Variants in TXNRD2 observed in about 807,000 individuals in gnomAD.
TXNRD2 encodes thioredoxin reductase 2, mitochondrial.
A neutral mutation model predicts 70.8 loss-of-function variants in TXNRD2; 67 were observed. That is an observed-to-expected ratio of 0.95 (90% CI 0.78 to 1.16). The LOEUF (loss-of-function observed/expected upper bound fraction) is 1.16, where lower values mean the gene tolerates loss of function less well. Ranked by LOEUF, TXNRD2 falls within the 50% of genes most tolerant of loss-of-function variation. TXNRD2 has a pLI of 0.00. For missense variants in TXNRD2, 644 were observed against 719.9 expected, an observed-to-expected ratio of 0.89 and a Z score of 1.21; for synonymous variants, 301 against 295.8, an observed-to-expected ratio of 1.02 and a Z score of -0.18.
chr22:19,940,996 C>T (rs781354575), intron 1 of TXNRD2, among the ~76,000 whole-genome samples: 6 of 152,186 alleles, frequency 3.9e-5, no homozygotes, highest in Non-Finnish European at 8.8e-5. Flanking sequence ...TCCTTACACC[C>T]CTCTACACTC....
intron 11 of TXNRD2, chr22:19,887,555 C>T (rs1376059809): frequency 6.6e-6 from 1 of 152,230 alleles, no homozygotes; most frequent in South Asian, 2.1e-4. Context: ...CCCAGCTGGA[C>T]GTCGGCAGCG....
intron 11 of TXNRD2, chr22:19,894,865 G>T (rs1323461799): frequency 6.4e-6 from 4 of 626,728 alleles, no homozygotes; most frequent in Non-Finnish European, 9.8e-6. Context: ...GTGGGCGCCT[G>T]TAGCCCCAGC....
chr22:19,909,861 A>ACACACACACCACTCACACACACAAC (rs1940299566), intron 8 of TXNRD2, among the ~76,000 whole-genome samples: 1 of 83,252 alleles, frequency 1.2e-5, no homozygotes, highest in Non-Finnish European at 2.3e-5. Flanking sequence ...CACACACACC[A>ACACACACACCACTCACACACACAAC]CACACACACC....
At chr22:19,911,982 AGAG>A (rs1413429290) in intron 7 of TXNRD2, among the ~76,000 whole-genome samples, 1 of 152,050 alleles carries the variant, frequency 6.6e-6, no homozygotes, top group Non-Finnish European at 1.5e-5. Flanking sequence ...CAGCCAGAGG[AGAG>A]GAGGCACAGG....
chr22:19,927,111 T>C (rs1323232361), intron 2 of TXNRD2, among the ~76,000 whole-genome samples: 1 of 151,870 alleles, frequency 6.6e-6, no homozygotes, highest in African/African-American at 2.4e-5. Context: ...CTGGCCAACA[T>C]GGTGAAACCC....
At chr22:19,913,857 C>A (rs561476904) in intron 7 of TXNRD2, among the ~76,000 whole-genome samples, 1 of 152,158 alleles carries the variant, frequency 6.6e-6, no homozygotes, top group Non-Finnish European at 1.5e-5. Context: ...CAGCAAAGAC[C>A]GGGAGAGTTC....
At position 19,941,799 on chromosome 22, in the gene TXNRD2, G is replaced by A; in HGVS notation, c.5C>T (p.Ala2Val). The change falls in exon 1 of 18, where the codon GCG becomes GTG. Residue 2 changes from alanine (A) to valine (V), a missense_variant. Transcript: ENST00000400521. ...TCCCCGCAGCGCCACCGCCATTGCC[G>A]CCATCGTCGTGGGGCTTCTGGGGCA... M[A>V]AMAVALRGLG... 3 of 1,534,672 alleles carry A rather than the reference G, an allele frequency of 2.0e-6. No individual in the cohort carries two copies. Among genetic ancestry groups the A allele is most frequent in the Non-Finnish European group, 1.7e-6 (2 of 1,151,666 alleles).
At chr22:19,923,446 G>C (rs1940992533) in intron 2 of TXNRD2, among the ~76,000 whole-genome samples, 1 of 152,110 alleles carries the variant, frequency 6.6e-6, no homozygotes, top group Non-Finnish European at 1.5e-5. Context: ...CTGGCTCTGG[G>C]CTGTATCAGC....
chr22:19,876,947 C>G, intron 17 of TXNRD2, 93 bp downstream of exon 17: 1 of 882,792 alleles, frequency 1.1e-6, no homozygotes, highest in Non-Finnish European at 1.6e-6. Flanking sequence ...GCAGGTGTAG[C>G]CTTGCTGTAC....
intron 1 of TXNRD2, chr22:19,933,631 G>C (rs1398515298): frequency 1.8e-6 from 1 of 553,848 alleles, no homozygotes. Flanking sequence ...ATAAACACTG[G>C]CATAGGGCAG....
chr22:19,906,900 C>T (rs79995555), intron 8 of TXNRD2, among the ~76,000 whole-genome samples: 3,647 of 118,494 alleles, frequency 0.031, 62 homozygotes, highest in South Asian at 0.082. Flanking sequence ...AGGGTGTGGG[C>T]GCCGTGGATA....
intron 1 of TXNRD2, among the ~76,000 whole-genome samples, 159 bp from the exon 2 acceptor site, chr22:19,931,257 C>T (rs948382874): frequency 2.0e-5 from 3 of 152,180 alleles, no homozygotes; most frequent in African/African-American, 7.2e-5. Flanking sequence ...ATAGTCTGTG[C>T]AAATCCAGAG....
chr22:19,914,975 C>T, intron 7 of TXNRD2: 3 of 528,232 alleles, frequency 5.7e-6, no homozygotes, highest in Non-Finnish European at 7.0e-6. Context: ...TCCAGCGGGG[C>T]AGGGGGAGAG....
chr22:19,895,976 G>A (rs1212265148), intron 10 of TXNRD2, among the ~76,000 whole-genome samples: 1 of 152,158 alleles, frequency 6.6e-6, no homozygotes, highest in African/African-American at 2.4e-5. Flanking sequence ...CAGCCTGGGC[G>A]ACAGAGTGAG....
At chr22:19,906,311 T>C (rs1244217841) in intron 8 of TXNRD2, among the ~76,000 whole-genome samples, 1 of 152,126 alleles carries the variant, frequency 6.6e-6, no homozygotes, top group Non-Finnish European at 1.5e-5. Context: ...AGTCAGATCA[T>C]GTGTAACTCA....
intron 9 of TXNRD2, among the ~76,000 whole-genome samples, chr22:19,898,672 G>A (rs889781061): frequency 3.3e-5 from 5 of 152,034 alleles, no homozygotes; most frequent in African/African-American, 7.2e-5. Context: ...GAGCCACCGC[G>A]CCCGGCCAGG....
chr22:19,900,497 TC>T (rs1261841135), intron 8 of TXNRD2, among the ~76,000 whole-genome samples: 1 of 152,188 alleles, frequency 6.6e-6, no homozygotes, highest in African/African-American at 2.4e-5. Context: ...ACGCCTGTAA[TC>T]CCAGCACTTT....
intron 7 of TXNRD2, 68 bp from the exon 8 acceptor site, chr22:19,911,515 G>A (rs990025609): frequency 6.5e-6 from 8 of 1,229,662 alleles, no homozygotes; most frequent in Non-Finnish European, 9.6e-6. Flanking sequence ...TCCTTAAAGA[G>A]GATGCCAGCT....
At chr22:19,915,440 C>G (rs191888031) in intron 6 of TXNRD2, among the ~76,000 whole-genome samples, 164 bp from the exon 7 acceptor site, 2 of 152,344 alleles carry the variant, frequency 1.3e-5, no homozygotes, top group South Asian at 4.1e-4. Context: ...GGAATCCCAT[C>G]AACCATCAGC....
Sources: allele counts gnomAD v4.1 joint callset (sites outside exome capture counted in the v4.1 genomes callset), GRCh38; gene constraint gnomAD v4.1.1; transcripts MANE v1.5; gene names NCBI Gene and HGNC (gene_info 2026-07-23, HGNC 2026-07-21).